SNAPC3: variants seen among roughly 807,000 people sequenced by gnomAD.
SNAPC3 encodes snRNA-activating protein complex subunit 3.
SNAPC3 carries 56 observed loss-of-function variants against 47.7 expected under a neutral mutation model. The observed-to-expected ratio is 1.18, with a 90% CI of 0.95 to 1.47. SNAPC3 has a LOEUF of 1.47. Among genes scored for constraint, SNAPC3 ranks in the 40% most tolerant of loss-of-function variants. SNAPC3 has a pLI of 0.00. For synonymous variants in SNAPC3, 235 were observed against 189.9 expected (o/e 1.24, Z -1.95); for missense variants, 665 against 511.3 (o/e 1.30, Z -2.90).
At chr9:15,465,824 G>C (rs2035586071), downstream of SNAPC3, 1 of 438,444 alleles carries the variant, frequency 2.3e-6, no homozygotes, top group Non-Finnish European at 4.0e-6. Flanking sequence ...ACTCAGCAAA[G>C]TGTCATGGAC....
chr9:15,436,008 T>C (rs2032768948), intron 3 of SNAPC3, among the ~76,000 whole-genome samples: 1 of 152,054 alleles, frequency 6.6e-6, no homozygotes, highest in Non-Finnish European at 1.5e-5. Context: ...CATGCCCAGC[T>C]AATTTTTGTA....
At chr9:15,443,060 A>T (rs374269376) in intron 3 of SNAPC3, among the ~76,000 whole-genome samples, 3 of 152,196 alleles carry the variant, frequency 2.0e-5, no homozygotes, top group Non-Finnish European at 4.4e-5. Flanking sequence ...AATCCCAGGC[A>T]CTCGGCAGGC....
chr9:15,426,946 A>G (rs774892634), intron 2 of SNAPC3, among the ~76,000 whole-genome samples: 6 of 152,226 alleles, frequency 3.9e-5, no homozygotes, highest in African/African-American at 9.6e-5. Flanking sequence ...ACTTGTGGCA[A>G]AAGCCTAAAT....
At chr9:15,433,481 A>T in intron 2 of SNAPC3, 71 bp from the exon 3 acceptor site, 1 of 942,192 alleles carries the variant, frequency 1.1e-6, no homozygotes, top group Non-Finnish European at 1.7e-6. Flanking sequence ...CTTGAATGTT[A>T]AATATGTTTT....
At chr9:15,457,855 G>A (rs10756669) in intron 7 of SNAPC3, 105 bp from the exon 8 acceptor site, 614,413 of 688,864 alleles carry the variant, frequency 0.89, 276,048 homozygotes, top group African/African-American at 0.97. Context: ...AAAATTGAAA[G>A]TATCTATTTT....
At chr9:15,464,495 G>A (rs2035475842), downstream of SNAPC3, 1 of 200,970 alleles carries the variant, frequency 5.0e-6, no homozygotes, top group South Asian at 1.9e-4. Flanking sequence ...TCAATGTACA[G>A]ACTTATCAAA....
At chr9:15,454,192 T>C (rs1035900809) in intron 7 of SNAPC3, among the ~76,000 whole-genome samples, 1 of 150,856 alleles carries the variant, frequency 6.6e-6, no homozygotes, top group Admixed American at 6.6e-5. Flanking sequence ...ATCATGCCGC[T>C]GCATTCCAGC....
At chr9:15,463,692 C>T (rs1350071266), downstream of SNAPC3, 3 of 151,962 alleles carry the variant, frequency 2.0e-5, no homozygotes, top group Non-Finnish European at 4.4e-5. Flanking sequence ...GCCTATGACA[C>T]CATTTCTTGA....
Position 15,460,414 on chromosome 9 carries a change from A to C in SNAPC3, c.*548A>C, listed in dbSNP as rs994691367. 2 of 152,166 alleles carry C rather than the reference A, an allele frequency of 1.3e-5. No individual in the cohort carries two copies. The highest frequency in any genetic ancestry group is 6.5e-5 in the Admixed American group (1 of 15,274). The allele number at this position is 152,166 out of a possible 1,614,324, so 9.4% of individuals were successfully genotyped here. A position where few individuals can be genotyped will look rare whatever the true frequency, so the allele number is the denominator to read the frequency against. ...TTGGGATTATTTATTTTTTGAGACA[A>C]AATCTCGCTCTTGTTGCCCAGGCTG... On this transcript the variant is annotated 3_prime_UTR_variant, in exon 9 of 9. Coordinates refer to ENST00000380821, the MANE Select transcript of SNAPC3 (RefSeq NM_001039697.2).
intron 2 of SNAPC3, among the ~76,000 whole-genome samples, chr9:15,426,654 A>G (rs1386568549): frequency 8.5e-5 from 13 of 152,190 alleles, no homozygotes; most frequent in Non-Finnish European, 4.4e-5. Context: ...TATAGTTAAT[A>G]ATGTATTCAT....
At chr9:15,435,840 C>CTTTTTTTTTTTTTTTTTTTTT (rs1463718700) in intron 3 of SNAPC3, among the ~76,000 whole-genome samples, 1 of 49,694 alleles carries the variant, frequency 2.0e-5, no homozygotes. Flanking sequence ...ACTTACTTTT[C>CTTTTTTTTTTTTTTTTTTTTT]TTTCTTTTTT....
At position 15,423,905 on chromosome 9, in the gene SNAPC3, T is replaced by G; in HGVS notation, c.315-4T>G. On this transcript the variant is annotated splice_polypyrimidine_tract_variant and splice_region_variant and intron_variant, in intron 1 of 8. Transcript: ENST00000380821. ...TAAAGTATTGCTTTTCCTTTTTGTTTTAGCCTTGATAAACTGAAATGCCTT... is the reference window on the plus strand; with the variant it reads ...TAAAGTATTGCTTTTCCTTTTTGTTGTAGCCTTGATAAACTGAAATGCCTT... 1 of 1,553,892 alleles carries G rather than the reference T, an allele frequency of 6.4e-7. No individual in the cohort carries two copies. Among genetic ancestry groups the G allele is most frequent in the East Asian group, 2.4e-5 (1 of 41,276 alleles).
At chr9:15,426,852 G>A in intron 2 of SNAPC3, among the ~76,000 whole-genome samples, 1 of 152,106 alleles carries the variant, frequency 6.6e-6, no homozygotes, top group Non-Finnish European at 1.5e-5. Flanking sequence ...TTCTTCAACT[G>A]GGGTTATTTT....
At chr9:15,444,181 G>A (rs903943736) in intron 3 of SNAPC3, among the ~76,000 whole-genome samples, 14 of 152,190 alleles carry the variant, frequency 9.2e-5, no homozygotes, top group Non-Finnish European at 1.8e-4. Flanking sequence ...CCGTATTTGC[G>A]TCCTAACTCT....
chr9:15,453,186 A>T lies in SNAPC3; in HGVS notation c.961A>T (p.Ile321Phe), dbSNP rs762014901. The T allele has an allele frequency of 1.2e-6, 2 of 1,612,468 alleles. No individual in the cohort carries two copies. Among genetic ancestry groups the T allele is most frequent in the Non-Finnish European group, 8.5e-7 (1 of 1,179,214 alleles). The part of the protein sequence containing the change: ...YCHQGDCEHV[I>F]VITDIRLVHH... The stretch of plus-strand genomic sequence containing the variant: ...TCATCAGGGAGACTGTGAACATGTC[A>T]TTGTCATTACTGACATAAGGTAGGT... The change falls in exon 7 of 9, where the codon ATT becomes TTT. Residue 321 changes from isoleucine (I) to phenylalanine (F), a missense_variant. Physicochemically the swap from Ile to Phe is conservative, Grantham distance 21 (BLOSUM62 0). Transcript: ENST00000380821.
chr9:15,434,339 T>G (rs1364355903), intron 3 of SNAPC3, among the ~76,000 whole-genome samples: 2 of 152,078 alleles, frequency 1.3e-5, no homozygotes, highest in East Asian at 3.8e-4. Flanking sequence ...TTCTACCTTC[T>G]TTCTCTATGA....
chr9:15,453,208 A>T lies in SNAPC3; in HGVS notation c.980+3A>T. On this transcript the variant is annotated splice_donor_region_variant and intron_variant, in intron 7 of 8. Coordinates refer to ENST00000380821, the MANE Select transcript of SNAPC3 (RefSeq NM_001039697.2). ...GTCATTGTCATTACTGACATAAGGT[A>T]GGTGACAGCACTTAAGACATTTTGT... The T allele has an allele frequency of 6.2e-7, 1 of 1,602,396 alleles. No homozygotes were observed. Among genetic ancestry groups the T allele is most frequent in the Non-Finnish European group, 8.5e-7 (1 of 1,172,844 alleles).
downstream of SNAPC3, chr9:15,464,671 A>C (rs1306486023): frequency 1.0e-5 from 2 of 197,916 alleles, no homozygotes; most frequent in Non-Finnish European, 1.0e-5. Flanking sequence ...CTTCCTAAAG[A>C]CATTTTTAAC....
intron 2 of SNAPC3, among the ~76,000 whole-genome samples, chr9:15,430,485 A>AGT (rs1022385650): frequency 1.3e-5 from 2 of 152,202 alleles, no homozygotes; most frequent in Middle Eastern, 3.2e-3. Flanking sequence ...AGAACAACAA[A>AGT]GTAAGTGAAA....
Sources: gnomAD v4.1 joint callset for allele counts (sites outside exome capture counted in the v4.1 genomes callset) on GRCh38, gnomAD v4.1.1 for gene constraint, MANE v1.5 for transcripts, NCBI Gene and HGNC (gene_info 2026-07-23, HGNC 2026-07-21) for gene names.